The following PARD3B variants were observed in gnomAD, a reference collection of about 807,000 sequenced individuals.
The protein encoded by PARD3B is partitioning defective 3 homolog B.
In PARD3B, 103 loss-of-function variants were observed where a neutral mutation model predicts 130.2. That is an observed-to-expected ratio of 0.79 (90% CI 0.67 to 0.93). The LOEUF (loss-of-function observed/expected upper bound fraction) is 0.93, where lower values mean the gene tolerates loss of function less well. Ranked by LOEUF, PARD3B falls within the 40% of genes least tolerant of loss-of-function variation. The pLI is 0.00. For synonymous variants in PARD3B, 583 were observed against 553.2 expected, an observed-to-expected ratio of 1.05 and a Z score of -0.76; for missense variants, 1,609 against 1,499.2, an observed-to-expected ratio of 1.07 and a Z score of -1.21.
In PARD3B at chr2:205,253,022, T is replaced by A. The variant is rs2039925177; in HGVS notation, c.2185+7200T>A. Among the ~76,000 whole-genome samples, 1 of 152,090 alleles carries A rather than the reference T, an allele frequency of 6.6e-6. No homozygotes were observed. Among genetic ancestry groups the A allele is most frequent in the African/African-American group, 2.4e-5 (1 of 41,428 alleles). On this transcript the variant is annotated intron_variant, in intron 16 of 22. Coordinates refer to ENST00000406610, the MANE Select transcript of PARD3B (RefSeq NM_001302769.2). This position sits in a 1 kb window ranked among gnomAD's most constrained non-coding sequence, Gnocchi z 4.4. ...CTTAATGGGTAAGTAAAAAAGGGTA[T>A]CCAACTTGATTTTCATTGTACTTGT...
rs552000368 is a variant in PARD3B, at chr2:204,923,643, T to C, written c.223-41509T>C. Among the ~76,000 whole-genome samples, 18 of 152,142 alleles carry C rather than the reference T, an allele frequency of 1.2e-4. 1 individual carries two copies. The South Asian group carries it at 3.7e-3, about 32-fold the overall frequency. ...TGGAGATTGGGTGGAAGAAAAAAGA[T>C]TGAGAAATACTGGGATAGAGCAATC... On this transcript the variant is annotated intron_variant, in intron 2 of 22. Transcript: ENST00000406610.
chr2:205,517,954 T>C (rs935036218), intron 21 of PARD3B, among the ~76,000 whole-genome samples: 1 of 152,142 alleles, frequency 6.6e-6, no homozygotes, highest in Non-Finnish European at 1.5e-5. Flanking sequence ...AGTGTGTTTG[T>C]TATGATTTTG....
chr2:204,692,979 C>T (rs1011883625), intron 2 of PARD3B, among the ~76,000 whole-genome samples: 1 of 151,926 alleles, frequency 6.6e-6, no homozygotes, highest in African/African-American at 2.4e-5. Flanking sequence ...CATTTCCTCC[C>T]TAGGATGCTG....
chr2:205,108,539 A>C (rs556241755), intron 5 of PARD3B, among the ~76,000 whole-genome samples: 24 of 151,706 alleles, frequency 1.6e-4, no homozygotes, highest in South Asian at 4.2e-4. Flanking sequence ...ATTACAACCA[A>C]TTGTTATGCT....
intron 10 of PARD3B, among the ~76,000 whole-genome samples, chr2:205,127,181 C>T (rs2031527568): frequency 6.6e-6 from 1 of 151,144 alleles, no homozygotes; most frequent in Admixed American, 6.6e-5. Context: ...CCTGTAGTCC[C>T]AGCTGCTCAG....
intron 2 of PARD3B, among the ~76,000 whole-genome samples, chr2:204,759,163 A>G (rs1574910936): frequency 6.6e-6 from 1 of 152,154 alleles, no homozygotes; most frequent in East Asian, 1.9e-4. Flanking sequence ...AATGAGTTCT[A>G]TAATTCAACA....
intron 20 of PARD3B, among the ~76,000 whole-genome samples, chr2:205,441,924 T>C (rs2047728787): frequency 6.6e-6 from 1 of 152,234 alleles, no homozygotes; most frequent in African/African-American, 2.4e-5. Flanking sequence ...GACTGTGATA[T>C]AGCCATAATA....
At chr2:204,613,136 C>G (rs1411392888) in intron 1 of PARD3B, among the ~76,000 whole-genome samples, 2 of 151,680 alleles carry the variant, frequency 1.3e-5, no homozygotes, top group Admixed American at 1.3e-4. Flanking sequence ...CATGTCTGGT[C>G]AATTTCTGGG....
intron 2 of PARD3B, among the ~76,000 whole-genome samples, chr2:204,774,029 G>A (rs974911264): frequency 2.0e-5 from 3 of 151,790 alleles, no homozygotes; most frequent in African/African-American, 7.3e-5. Flanking sequence ...CTTTCAACTT[G>A]TAGTTTCCCT....
intron 3 of PARD3B, among the ~76,000 whole-genome samples, chr2:204,969,114 A>T (rs1162418466): frequency 6.6e-6 from 1 of 152,206 alleles, no homozygotes; most frequent in Non-Finnish European, 1.5e-5. Flanking sequence ...CATTTAAATG[A>T]TGAGATGTGG....
intron 4 of PARD3B, among the ~76,000 whole-genome samples, chr2:205,068,916 T>G (rs567503266): frequency 6.6e-6 from 1 of 152,270 alleles, no homozygotes; most frequent in South Asian, 2.1e-4. Context: ...TGTGGTGATA[T>G]TTTGTGATCT....
chr2:205,166,689 G>A (rs772840672), intron 11 of PARD3B, among the ~76,000 whole-genome samples: 8 of 152,152 alleles, frequency 5.3e-5, no homozygotes, highest in Non-Finnish European at 8.8e-5. Flanking sequence ...AAAAAATGCA[G>A]TAGACAGATG....
chr2:205,383,125 T>TAGATAGAG, intron 18 of PARD3B, among the ~76,000 whole-genome samples: 1 of 149,406 alleles, frequency 6.7e-6, no homozygotes, highest in African/African-American at 2.4e-5. Flanking sequence ...GATAGATAGA[T>TAGATAGAG]AGATAGATAG....
chr2:204,680,427 T>C (rs1390747818), intron 1 of PARD3B, among the ~76,000 whole-genome samples: 1 of 152,108 alleles, frequency 6.6e-6, no homozygotes, highest in African/African-American at 2.4e-5. Context: ...TGTTCCTTCC[T>C]GATATTGGAA....
chr2:204,777,420 G>A (rs2041665835), intron 2 of PARD3B, among the ~76,000 whole-genome samples: 1 of 152,072 alleles, frequency 6.6e-6, no homozygotes, highest in African/African-American at 2.4e-5. Context: ...GGAAACATAA[G>A]GTTTATATGA....
At chr2:205,303,919 A>T (rs1197309693) in intron 18 of PARD3B, among the ~76,000 whole-genome samples, 2 of 152,174 alleles carry the variant, frequency 1.3e-5, no homozygotes, top group East Asian at 3.9e-4. Flanking sequence ...ATTTCTTCTC[A>T]AATCAATTGA....
At chr2:205,277,471 T>C (rs1281385992) in intron 16 of PARD3B, among the ~76,000 whole-genome samples, 1 of 152,208 alleles carries the variant, frequency 6.6e-6, no homozygotes, top group Non-Finnish European at 1.5e-5. Context: ...ATTATTATAA[T>C]ACATTGTGGT....
intron 2 of PARD3B, among the ~76,000 whole-genome samples, chr2:204,871,528 T>A (rs1195247414): frequency 6.6e-6 from 1 of 152,110 alleles, no homozygotes; most frequent in Non-Finnish European, 1.5e-5. Context: ...CTTCTCACGT[T>A]ATGTTTTGTA....
rs1449960328 is a variant in PARD3B at position 204,689,620 on chromosome 2, G to A, written c.222+3338G>A. 2.0e-5 allele frequency among the ~76,000 whole-genome samples: 3 copies of A among 152,100 alleles called. No homozygotes were observed. Among genetic ancestry groups the A allele is most frequent in the African/African-American group, 7.2e-5 (3 of 41,428 alleles). ...CAATAGTAACAACCTAATCATTGAT[G>A]ACTAGCAATGGCCCAGAATGTCTTT... On this transcript the variant is annotated intron_variant, in intron 2 of 22. Transcript: ENST00000406610. This position sits in a 1 kb window ranked among gnomAD's most constrained non-coding sequence, Gnocchi z 5.2.
Sources: allele counts gnomAD v4.1 joint callset (sites outside exome capture counted in the v4.1 genomes callset), GRCh38; gene constraint gnomAD v4.1.1; non-coding constraint Gnocchi (gnomAD v3.1); transcripts MANE v1.5; gene names NCBI Gene and HGNC (gene_info 2026-07-23, HGNC 2026-07-21).